The following PPP3CA variants were observed in gnomAD, a reference collection of about 807,000 sequenced individuals.
PPP3CA encodes protein phosphatase 3 catalytic subunit alpha.
PPP3CA carries 14 observed loss-of-function variants against 66.5 expected under a neutral mutation model. The observed-to-expected ratio is 0.21, with a 90% CI of 0.14 to 0.33. PPP3CA has a LOEUF of 0.33. Among genes scored for constraint, PPP3CA ranks in the 10% least tolerant of loss-of-function variants. PPP3CA has a pLI of 1.00. For synonymous variants in PPP3CA, 232 were observed against 226.2 expected (o/e 1.03, Z -0.23); for missense variants, 317 against 639.5 (o/e 0.50, Z 5.44).
At chr4:101,056,682 T>C (rs1254271410) in intron 10 of PPP3CA, among the ~76,000 whole-genome samples, 6 of 152,144 alleles carry the variant, frequency 3.9e-5, no homozygotes, top group Non-Finnish European at 7.4e-5. Context: ...GGATGTCTTC[T>C]GATTTCTGCT....
intron 2 of PPP3CA, among the ~76,000 whole-genome samples, chr4:101,136,539 T>C (rs1318473754): frequency 7.1e-6 from 1 of 141,436 alleles, no homozygotes; most frequent in Non-Finnish European, 1.5e-5. Flanking sequence ...AGACTCCGCC[T>C]CAAAAAAAAA....
At chr4:101,269,658 A>G (rs996113757) in intron 1 of PPP3CA, among the ~76,000 whole-genome samples, 6 of 151,518 alleles carry the variant, frequency 4.0e-5, no homozygotes, top group African/African-American at 1.5e-4. Context: ...ATAGGCATTC[A>G]TTAAATATTT....
chr4:101,289,059 A>G (rs1212502508), intron 1 of PPP3CA, among the ~76,000 whole-genome samples: 2 of 151,944 alleles, frequency 1.3e-5, no homozygotes, highest in East Asian at 3.8e-4. Context: ...TAAAAAAAAG[A>G]AAAATGACAC....
intron 1 of PPP3CA, among the ~76,000 whole-genome samples, chr4:101,226,255 G>A (rs1320244352): frequency 1.3e-5 from 2 of 151,590 alleles, no homozygotes; most frequent in African/African-American, 4.8e-5. Flanking sequence ...CACACATACA[G>A]GTACTTGCGC....
At chr4:101,176,635 T>C (rs1724068991) in intron 2 of PPP3CA, among the ~76,000 whole-genome samples, 2 of 152,128 alleles carry the variant, frequency 1.3e-5, no homozygotes, top group African/African-American at 4.8e-5. Context: ...TTCTTCAAAG[T>C]CAAGAATTTA....
At chr4:101,252,742 TGGCTCAGA>T (rs1452363332) in intron 1 of PPP3CA, among the ~76,000 whole-genome samples, 2 of 152,206 alleles carry the variant, frequency 1.3e-5, no homozygotes, top group African/African-American at 4.8e-5. Context: ...ATTTGCAGCC[TGGCTCAGA>T]GGCCCAACTA....
chr4:101,071,783 A>G (rs1036086189), intron 8 of PPP3CA, among the ~76,000 whole-genome samples: 16 of 152,156 alleles, frequency 1.1e-4, no homozygotes, highest in African/African-American at 3.9e-4. Flanking sequence ...TACCTCACAC[A>G]CTGTGTCTTA....
chr4:101,145,897 G>A (rs1722953625), intron 2 of PPP3CA, among the ~76,000 whole-genome samples: 1 of 152,016 alleles, frequency 6.6e-6, no homozygotes, highest in Non-Finnish European at 1.5e-5. Context: ...AAAGCATTTT[G>A]TTCATAACCT....
intron 2 of PPP3CA, among the ~76,000 whole-genome samples, chr4:101,191,642 T>C (rs1050179636): frequency 1.2e-4 from 19 of 152,298 alleles, no homozygotes; most frequent in African/African-American, 4.3e-4. Flanking sequence ...AATGACACTA[T>C]GAGGAGAATA....
intron 1 of PPP3CA, among the ~76,000 whole-genome samples, chr4:101,250,620 C>T (rs1726644465): frequency 6.6e-6 from 1 of 152,050 alleles, no homozygotes; most frequent in Non-Finnish European, 1.5e-5. Flanking sequence ...AAACTCATTC[C>T]AATTAGGTGA....
At chr4:101,145,365 T>C (rs1420424094) in intron 2 of PPP3CA, among the ~76,000 whole-genome samples, 1 of 152,100 alleles carries the variant, frequency 6.6e-6, no homozygotes, top group East Asian at 1.9e-4. Flanking sequence ...CTGTTTACAA[T>C]AGCCAAACCT....
chr4:101,211,185 GC>G (rs1428760003), intron 1 of PPP3CA, among the ~76,000 whole-genome samples: 3 of 151,476 alleles, frequency 2.0e-5, no homozygotes, highest in Admixed American at 1.3e-4. Context: ...CTCACATCAG[GC>G]CCCTGCTTTG....
rs1337365551 is a variant in PPP3CA, at chr4:101,023,700, G to A, written c.*2165C>T. 5 of 152,534 alleles carry A rather than the reference G, an allele frequency of 3.3e-5. No homozygotes were observed. The highest frequency in any genetic ancestry group is 1.2e-4 in the African/African-American group (5 of 41,408). The allele number at this position is 152,534 out of a possible 1,614,324, so 9.4% of individuals were successfully genotyped here. On this transcript the variant is annotated 3_prime_UTR_variant, in exon 14 of 14. Transcript: ENST00000394854. ...TGTCTGAATTCATTAAAATAACCTT[G>A]GGATAGTCTTTGCCAGACTGTATCG...
At chr4:101,343,740 C>A (rs1560728812) in intron 1 of PPP3CA, among the ~76,000 whole-genome samples, 1 of 152,018 alleles carries the variant, frequency 6.6e-6, no homozygotes, top group Non-Finnish European at 1.5e-5. Flanking sequence ...TTTAGAAAAC[C>A]GATCAGGGTC....
At chr4:101,220,669 T>A (rs377409308) in intron 1 of PPP3CA, among the ~76,000 whole-genome samples, 104 of 151,724 alleles carry the variant, frequency 6.9e-4, no homozygotes, top group African/African-American at 2.4e-3. Flanking sequence ...GTTATTTTAC[T>A]TCCCCAATTT....
At chr4:101,345,500 T>C (rs1009056239) in intron 1 of PPP3CA, among the ~76,000 whole-genome samples, 4 of 152,208 alleles carry the variant, frequency 2.6e-5, no homozygotes, top group African/African-American at 9.7e-5. Flanking sequence ...CAGCCAGTGC[T>C]GTTTCCAATT....
At chr4:101,289,870 A>ATGTGTGTGTGTGTGTG (rs72004461) in intron 1 of PPP3CA, among the ~76,000 whole-genome samples, 1 of 141,832 alleles carries the variant, frequency 7.1e-6, no homozygotes, top group South Asian at 2.3e-4. Flanking sequence ...ATGTCCGTGT[A>ATGTGTGTGTGTGTGTG]TGTGTGTGTG....
intron 1 of PPP3CA, among the ~76,000 whole-genome samples, chr4:101,228,140 A>G (rs1725841888): frequency 6.6e-6 from 1 of 151,776 alleles, no homozygotes; most frequent in Non-Finnish European, 1.5e-5. Flanking sequence ...TTTTCTAAGT[A>G]GACAACAAAT....
intron 1 of PPP3CA, among the ~76,000 whole-genome samples, chr4:101,340,485 A>G (rs1729779368): frequency 6.6e-6 from 1 of 152,156 alleles, no homozygotes; most frequent in Non-Finnish European, 1.5e-5. Context: ...TTGAGATACC[A>G]GCAACTGGGC....
Sources: allele counts gnomAD v4.1 joint callset (sites outside exome capture counted in the v4.1 genomes callset), GRCh38; gene constraint gnomAD v4.1.1; transcripts MANE v1.5; gene names NCBI Gene and HGNC (gene_info 2026-07-23, HGNC 2026-07-21).